ACVR2A: variants seen among roughly 807,000 people sequenced by gnomAD.
The protein encoded by ACVR2A is activin A receptor type 2A, also known as activin receptor type-2A.
ACVR2A carries 7 observed loss-of-function variants against 61.4 expected under a neutral mutation model. The observed-to-expected ratio is 0.11, with a 90% CI of 0.06 to 0.21. The LOEUF (loss-of-function observed/expected upper bound fraction) is 0.21, where lower values mean the gene tolerates loss of function less well. Ranked by LOEUF, ACVR2A falls within the 10% of genes least tolerant of loss-of-function variation. The pLI is 1.00. For missense variants in ACVR2A, 322 were observed against 621.7 expected (o/e 0.52, Z 5.13); for synonymous variants, 193 against 208.3 (o/e 0.93, Z 0.63).
chr2:147,923,389 T>A (rs1343074601), intron 9 of ACVR2A, among the ~76,000 whole-genome samples: 1 of 152,034 alleles, frequency 6.6e-6, no homozygotes, highest in Non-Finnish European at 1.5e-5. Flanking sequence ...TATTATGCTT[T>A]ACATATGAGG....
chr2:147,904,476 T>C (rs1471369033), intron 4 of ACVR2A, among the ~76,000 whole-genome samples: 1 of 152,048 alleles, frequency 6.6e-6, no homozygotes, highest in Non-Finnish European at 1.5e-5. Context: ...TAGCTTCTTG[T>C]TTACTTTTAA....
intron 8 of ACVR2A, among the ~76,000 whole-genome samples, chr2:147,922,040 A>G (rs1284967420): frequency 6.6e-6 from 1 of 152,138 alleles, no homozygotes; most frequent in Non-Finnish European, 1.5e-5. Context: ...AGAGGTAGGT[A>G]CCTTGGATGG....
intron 1 of ACVR2A, among the ~76,000 whole-genome samples, chr2:147,866,075 G>C (rs1221831308): frequency 1.3e-5 from 2 of 152,142 alleles, no homozygotes; most frequent in African/African-American, 4.8e-5. Context: ...TTAGAGAGTA[G>C]GCCCAGGGGA....
At chr2:147,870,432 TTC>T (rs1372101458) in intron 1 of ACVR2A, among the ~76,000 whole-genome samples, 1 of 152,162 alleles carries the variant, frequency 6.6e-6, no homozygotes, top group Non-Finnish European at 1.5e-5. Context: ...AACATGCCAC[TTC>T]TGATTTTTCT....
At chr2:147,905,658 A>G (rs1686972048) in intron 4 of ACVR2A, among the ~76,000 whole-genome samples, 1 of 152,006 alleles carries the variant, frequency 6.6e-6, no homozygotes, top group African/African-American at 2.4e-5. Flanking sequence ...TTATTTTTGT[A>G]TTGGTAACCT....
At position 147,909,172 on chromosome 2, in the gene ACVR2A, T is replaced by A. The variant is rs1353952158; in HGVS notation, c.529-6019T>A. On this transcript the variant is annotated intron_variant, in intron 4 of 10. Transcript: ENST00000241416. ...CTGCTTCTCCCTAGTACTTACTCCA[T>A]TTTTCAAGGGTGTTCTCCACAGGGA... 6.6e-5 allele frequency among the ~76,000 whole-genome samples: 10 copies of A among 152,130 alleles called. No individual in the cohort carries two copies. In the East Asian group the frequency reaches 1.9e-3, roughly 29 times the overall value.
chr2:147,868,734 C>T (rs554862012), intron 1 of ACVR2A, among the ~76,000 whole-genome samples: 34 of 152,104 alleles, frequency 2.2e-4, no homozygotes, highest in Non-Finnish European at 3.7e-4. Context: ...CAGGCCCAAG[C>T]GATCCTGTCA....
intron 1 of ACVR2A, among the ~76,000 whole-genome samples, chr2:147,893,221 T>C (rs781500112): frequency 1.3e-4 from 20 of 152,328 alleles, no homozygotes; most frequent in Non-Finnish European, 2.5e-4. Context: ...ATCCATTTTG[T>C]TGTAGGTATC....
intron 1 of ACVR2A, among the ~76,000 whole-genome samples, chr2:147,887,052 A>T (rs1686457932): frequency 6.6e-6 from 1 of 152,008 alleles, no homozygotes; most frequent in Admixed American, 6.6e-5. Context: ...CTATACAAAA[A>T]ATAAAAATAA....
At position 147,868,352 on chromosome 2, in the gene ACVR2A, A is replaced by C. The variant is rs138631601; in HGVS notation, c.55+23145A>C. Among the ~76,000 whole-genome samples the C allele has an allele frequency of 4.6e-5, 7 of 152,340 alleles. No homozygotes were observed. In the South Asian group the frequency reaches 1.2e-3, roughly 27 times the overall value. On this transcript the variant is annotated intron_variant, in intron 1 of 10. Coordinates refer to ENST00000241416, the MANE Select transcript of ACVR2A (RefSeq NM_001616.5). ...AACTCCCTTTAGACAGGAGAGAAGA[A>C]GTGGAAAATGTAATGGCAGATAACG...
At chr2:147,893,507 T>A (rs1341119434) in intron 1 of ACVR2A, among the ~76,000 whole-genome samples, 1 of 152,212 alleles carries the variant, frequency 6.6e-6, no homozygotes, top group South Asian at 2.1e-4. Context: ...TATGTGAAAG[T>A]TCTAGTTGCT....
intron 2 of ACVR2A, 147 bp from the exon 3 acceptor site, chr2:147,899,311 G>T: frequency 2.0e-6 from 1 of 500,916 alleles, no homozygotes; most frequent in Non-Finnish European, 3.3e-6. Context: ...GAACATTTTT[G>T]GTTTTTAAGA....
At chr2:147,905,497 A>G (rs929007427) in intron 4 of ACVR2A, among the ~76,000 whole-genome samples, 2 of 151,616 alleles carry the variant, frequency 1.3e-5, no homozygotes, top group Non-Finnish European at 2.9e-5. Flanking sequence ...TTGCAACTGT[A>G]TTGTTTTAGT....
At chr2:147,888,350 C>T (rs1686493629) in intron 1 of ACVR2A, among the ~76,000 whole-genome samples, 1 of 152,152 alleles carries the variant, frequency 6.6e-6, no homozygotes, top group Admixed American at 6.5e-5. Context: ...AATTGCATTA[C>T]ACCTATCCAT....
At chr2:147,877,978 A>G (rs1686202034) in intron 1 of ACVR2A, among the ~76,000 whole-genome samples, 1 of 152,176 alleles carries the variant, frequency 6.6e-6, no homozygotes, top group African/African-American at 2.4e-5. Flanking sequence ...ATTACCGACT[A>G]TACAGAGAAA....
chr2:147,852,773 T>G (rs940895861), intron 1 of ACVR2A, among the ~76,000 whole-genome samples: 1 of 152,040 alleles, frequency 6.6e-6, no homozygotes, highest in Non-Finnish European at 1.5e-5. Context: ...AGGAAGGATG[T>G]TAATATGAAG....
intron 1 of ACVR2A, among the ~76,000 whole-genome samples, chr2:147,846,831 A>C (rs1685324188): frequency 6.6e-6 from 1 of 152,164 alleles, no homozygotes; most frequent in Non-Finnish European, 1.5e-5. Context: ...CTCTTGTTCA[A>C]ATCCCTTGTT....
intron 4 of ACVR2A, 22 bp downstream of exon 4, chr2:147,899,920 T>C (rs1414363863): frequency 3.7e-6 from 6 of 1,608,938 alleles, no homozygotes; most frequent in South Asian, 1.1e-5. Flanking sequence ...TCCTGTACTT[T>C]GTAGTGTTTT....
At position 147,922,990 on chromosome 2, in the gene ACVR2A, C is replaced by T; in HGVS notation, c.1095C>T (p.Tyr365=). Residue 365 remains tyrosine, a synonymous_variant, in exon 9 of 11, where the codon TAC becomes TAT. Coordinates refer to ENST00000241416, the MANE Select transcript of ACVR2A (RefSeq NM_001616.5). ...DTHGQVGTRR[Y]MAPEVLEGAI... is the part of the protein sequence containing the mutation. ...TTTTTCAGGTTGGTACCCGGAGGTA[C>T]ATGGCTCCAGAGGTATTAGAGGGTG... The T allele has an allele frequency of 6.2e-7, 1 of 1,610,564 alleles. No individual in the cohort carries two copies. Among genetic ancestry groups the T allele is most frequent in the Non-Finnish European group, 8.5e-7 (1 of 1,178,808 alleles).
Sources: allele counts gnomAD v4.1 joint callset (sites outside exome capture counted in the v4.1 genomes callset), GRCh38; gene constraint gnomAD v4.1.1; transcripts MANE v1.5; gene names NCBI Gene and HGNC (gene_info 2026-07-23, HGNC 2026-07-21).